RBFOX1: variants seen among roughly 807,000 people sequenced by gnomAD.
The protein encoded by RBFOX1 is RNA binding protein fox-1 homolog 1.
A neutral mutation model predicts 57.7 loss-of-function variants in RBFOX1; 8 were observed. The observed-to-expected ratio is 0.14, with a 90% confidence interval of 0.08 to 0.25. The LOEUF (loss-of-function observed/expected upper bound fraction) is 0.25, where lower values mean the gene tolerates loss of function less well. Among genes scored for constraint, RBFOX1 ranks in the 10% least tolerant of loss-of-function variants. The probability of loss-of-function intolerance (pLI) is 1.00; values close to 1 mark genes in which losing one functional copy is unlikely to be tolerated. For missense variants in RBFOX1, 611 were observed against 548.5 expected (o/e 1.11, Z -1.14); for synonymous variants, 326 against 222.4 (o/e 1.47, Z -4.15).
chr16:7,040,661 A>T (rs919224341), intron 3 of RBFOX1, among the ~76,000 whole-genome samples: 1 of 152,146 alleles, frequency 6.6e-6, no homozygotes, highest in Non-Finnish European at 1.5e-5. Flanking sequence ...GTATAAATGG[A>T]TATTTTTCTG....
At position 7,411,461 on chromosome 16, in the gene RBFOX1, C is replaced by T. The variant is rs141533412; in HGVS notation, c.28-106686C>T. On this transcript the variant is annotated intron_variant, in intron 4 of 15. Coordinates refer to ENST00000550418, the MANE Select transcript of RBFOX1 (RefSeq NM_018723.4). ...TAACAGACTTAGCAAAGATGTTGAA[C>T]ACATGAAAATGGGAAGTACTGTTTA... Among the ~76,000 whole-genome samples, 4 of 152,268 alleles carry T rather than the reference C, an allele frequency of 2.6e-5. No homozygotes were observed. The East Asian group carries it at 7.7e-4, about 29-fold the overall frequency.
intron 3 of RBFOX1, among the ~76,000 whole-genome samples, chr16:6,999,856 G>A (rs1466474873): frequency 6.6e-6 from 1 of 152,092 alleles, no homozygotes; most frequent in Non-Finnish European, 1.5e-5. Flanking sequence ...CGGATCACTT[G>A]AGGTCAGGAG....
intron 1 of RBFOX1, among the ~76,000 whole-genome samples, chr16:6,151,528 C>T (rs994954706): frequency 2.6e-5 from 4 of 152,168 alleles, no homozygotes; most frequent in Non-Finnish European, 5.9e-5. Context: ...TCAGGTTATC[C>T]ACCTGCCTTA....
At chr16:5,812,162 G>C (rs1183251990) in intron 3 of RBFOX1, among the ~76,000 whole-genome samples, 1 of 152,184 alleles carries the variant, frequency 6.6e-6, no homozygotes, top group African/African-American at 2.4e-5. Context: ...TGTATGGATA[G>C]TGACTACATT....
rs191283028 is a variant in RBFOX1, at chr16:6,268,614, A to G, written c.-126-48381A>G. ...GACTATAGTTCAGTTTGTTAATTCA[A>G]TCATTCAAAATATGCATCGAACAGT... On this transcript the variant is annotated intron_variant, in intron 1 of 15. Transcript: ENST00000550418. 3.9e-5 allele frequency among the ~76,000 whole-genome samples: 6 copies of G among 152,312 alleles called. No homozygotes were observed. The East Asian group carries it at 7.7e-4, about 20-fold the overall frequency.
At chr16:6,677,109 A>G (rs907158447) in intron 3 of RBFOX1, among the ~76,000 whole-genome samples, 3 of 152,220 alleles carry the variant, frequency 2.0e-5, no homozygotes, top group Non-Finnish European at 2.9e-5. Context: ...TAATCTGCCT[A>G]TTTAAAAAAG....
At chr16:7,093,622 T>A (rs984075633) in intron 4 of RBFOX1, among the ~76,000 whole-genome samples, 14 of 152,306 alleles carry the variant, frequency 9.2e-5, no homozygotes, top group African/African-American at 3.4e-4. Flanking sequence ...CGAAAGTTAA[T>A]GAATGGGAGC....
chr16:5,838,206 C>T (rs1392752590), intron 3 of RBFOX1: 2 of 184,380 alleles, frequency 1.1e-5, no homozygotes, highest in African/African-American at 2.4e-5. Context: ...CATTACCACA[C>T]ATTACGTAGG....
chr16:6,732,488 C>T (rs1387422316), intron 3 of RBFOX1, among the ~76,000 whole-genome samples: 4 of 152,136 alleles, frequency 2.6e-5, no homozygotes, highest in Non-Finnish European at 5.9e-5. Flanking sequence ...AGTATCTCTT[C>T]CAGGGGGATG....
chr16:7,127,516 G>T (rs1042139342), intron 4 of RBFOX1, among the ~76,000 whole-genome samples: 4 of 152,172 alleles, frequency 2.6e-5, no homozygotes, highest in South Asian at 2.1e-4. Context: ...TTTACTTACA[G>T]GTCTTTTGGT....
At chr16:6,023,173 C>A (rs940101762) in intron 1 of RBFOX1, among the ~76,000 whole-genome samples, 2 of 152,050 alleles carry the variant, frequency 1.3e-5, no homozygotes, top group Non-Finnish European at 2.9e-5. Flanking sequence ...CAGAGTTTTC[C>A]ACTCAGAAAT....
intron 3 of RBFOX1, among the ~76,000 whole-genome samples, chr16:6,940,011 C>T (rs1421281201): frequency 1.3e-5 from 2 of 152,044 alleles, no homozygotes; most frequent in Non-Finnish European, 2.9e-5. Context: ...TTTGAAAAGG[C>T]ACAGGTCAGC....
chr16:5,820,443 G>A lies in RBFOX1; in HGVS notation c.319-46860G>A, dbSNP rs558049179. Among the ~76,000 whole-genome samples, 17 of 152,276 alleles carry A rather than the reference G, an allele frequency of 1.1e-4. No individual in the cohort carries two copies. The South Asian group carries it at 2.9e-3, about 26-fold the overall frequency. On this transcript the variant is annotated intron_variant, in intron 3 of 19. Coordinates refer to the RBFOX1 transcript ENST00000641259. ...GTGACCCCGGCCACGTGGCTGGACC[G>A]TGCCGGGATTGATCAGCATTAGCAG...
chr16:6,531,215 C>G (rs1481358741), intron 2 of RBFOX1, among the ~76,000 whole-genome samples: 3 of 152,164 alleles, frequency 2.0e-5, no homozygotes, highest in African/African-American at 7.2e-5. Context: ...CTCCAGCGCT[C>G]AGGGACATCT....
chr16:7,253,829 C>T (rs2094576123), intron 4 of RBFOX1, among the ~76,000 whole-genome samples: 1 of 152,086 alleles, frequency 6.6e-6, no homozygotes, highest in Admixed American at 6.5e-5. Context: ...AACACTGAGT[C>T]CAAGGTCTGC....
At chr16:7,639,904 A>C (rs986139848) in intron 11 of RBFOX1, among the ~76,000 whole-genome samples, 2 of 152,184 alleles carry the variant, frequency 1.3e-5, no homozygotes, top group Non-Finnish European at 2.9e-5. Flanking sequence ...AGTTGCCCAC[A>C]GCATTGCAGA....
intron 4 of RBFOX1, among the ~76,000 whole-genome samples, chr16:7,320,051 T>G (rs2096517919): frequency 6.6e-6 from 1 of 152,188 alleles, no homozygotes; most frequent in South Asian, 2.1e-4. Context: ...TCTGTTTTTT[T>G]GAAAGTTACC....
At chr16:6,975,484 C>A (rs550621260) in intron 3 of RBFOX1, among the ~76,000 whole-genome samples, 2 of 152,092 alleles carry the variant, frequency 1.3e-5, no homozygotes, top group Non-Finnish European at 2.9e-5. Context: ...CCAAGCTGGT[C>A]TCAAACTCCT....
At chr16:7,413,281 C>A (rs1294544550) in intron 4 of RBFOX1, among the ~76,000 whole-genome samples, 2 of 151,970 alleles carry the variant, frequency 1.3e-5, no homozygotes, top group Non-Finnish European at 1.5e-5. Flanking sequence ...CGCCTGTAAA[C>A]CATTCCTCTC....
Sources: gnomAD v4.1 joint callset for allele counts (sites outside exome capture counted in the v4.1 genomes callset) on GRCh38, gnomAD v4.1.1 for gene constraint, MANE v1.5 for transcripts, NCBI Gene and HGNC (gene_info 2026-07-23, HGNC 2026-07-21) for gene names.